The following TNKS2 variants were observed in gnomAD, a reference collection of about 807,000 sequenced individuals.
The protein encoded by TNKS2 is tankyrase 2.
Under a neutral mutation model 137.6 loss-of-function variants are expected in TNKS2, and 72 were observed. That is an observed-to-expected ratio of 0.52 (90% CI 0.43 to 0.64). TNKS2 has a LOEUF of 0.64. Ranked by LOEUF, TNKS2 falls within the 30% of genes least tolerant of loss-of-function variation. TNKS2 has a pLI of 0.00. For missense variants in TNKS2, 1,049 were observed against 1,410.2 expected, an observed-to-expected ratio of 0.74 and a Z score of 4.10; for synonymous variants, 516 against 512.1, an observed-to-expected ratio of 1.01 and a Z score of -0.10.
chr10:91,831,098 CTA>C lies in TNKS2; in HGVS notation c.1197-4_1197-3del, dbSNP rs1248955691. The C allele has an allele frequency of 6.2e-7, 1 of 1,613,774 alleles. No homozygotes were observed. Among genetic ancestry groups the C allele is most frequent in the East Asian group, 2.2e-5 (1 of 44,836 alleles). ...TCACTGTCTGGCTGATTTTTTCTCT[CTA>C]AGATTCTTGACTCCTCTGCACGTGG... is the stretch of plus-strand genomic sequence containing the variant. On this transcript the variant is annotated splice_polypyrimidine_tract_variant and splice_region_variant and intron_variant, in intron 10 of 26. Transcript: ENST00000371627.
intron 1 of TNKS2, among the ~76,000 whole-genome samples, chr10:91,809,948 G>C (rs1396224671): frequency 6.6e-6 from 1 of 152,190 alleles, no homozygotes; most frequent in African/African-American, 2.4e-5. Context: ...TTTGTGAGGG[G>C]AAGAAGGAGG....
At chr10:91,857,871 T>A (rs572966294) in intron 24 of TNKS2, among the ~76,000 whole-genome samples, 6 of 152,314 alleles carry the variant, frequency 3.9e-5, no homozygotes, top group African/African-American at 1.4e-4. Context: ...GACCTGGGAA[T>A]CACCTCAGAA....
chr10:91,851,423 G>GTATT (rs1554840576), intron 21 of TNKS2, 87 bp downstream of exon 21: 1 of 1,440,296 alleles, frequency 6.9e-7, no homozygotes. Context: ...TTAAAAATAT[G>GTATT]AGAGAATCTG....
intron 6 of TNKS2, 111 bp downstream of exon 6, chr10:91,820,144 G>C (rs922820858): frequency 1.5e-6 from 1 of 680,676 alleles, no homozygotes; most frequent in Non-Finnish European, 2.2e-6. Context: ...AATATATATT[G>C]AGCTTTTACA....
chr10:91,833,950 A>T lies in TNKS2; in HGVS notation c.1373A>T (p.Asp458Val), dbSNP rs774821447. 1 of 1,613,882 alleles carries T rather than the reference A, an allele frequency of 6.2e-7. No individual in the cohort carries two copies. Among genetic ancestry groups the T allele is most frequent in the Non-Finnish European group, 8.5e-7 (1 of 1,179,880 alleles). Reference protein sequence around the residue: ...TCRLLLSYGCDPNIISLQGFT... With the variant: ...TCRLLLSYGCVPNIISLQGFT... Reference sequence around the variant, plus strand: ...CGCCTACTCCTGAGCTATGGGTGTGATCCTAACATTATATCCCTTCAGGGC... The same window carrying T: ...CGCCTACTCCTGAGCTATGGGTGTGTTCCTAACATTATATCCCTTCAGGGC... Residue 458 changes from aspartate (D) to valine (V), a missense_variant, in exon 12 of 27, where the codon GAT becomes GTT. Asp to Val is a radical substitution (Grantham distance 152). Transcript: ENST00000371627.
intron 18 of TNKS2, among the ~76,000 whole-genome samples, chr10:91,847,908 G>T (rs1014813181): frequency 4.6e-5 from 7 of 152,126 alleles, no homozygotes; most frequent in Non-Finnish European, 1.0e-4. Flanking sequence ...TTAGGGTTTT[G>T]TTCATGCTTT....
intron 6 of TNKS2, 114 bp from the exon 7 acceptor site, chr10:91,822,182 A>C: frequency 2.5e-6 from 2 of 796,728 alleles, no homozygotes; most frequent in South Asian, 4.3e-5. Flanking sequence ...TTAGAACATC[A>C]CATAATCCAT....
At chr10:91,802,882 C>T (rs979281068) in intron 1 of TNKS2, among the ~76,000 whole-genome samples, 13 of 152,236 alleles carry the variant, frequency 8.5e-5, no homozygotes, top group African/African-American at 2.9e-4. Context: ...AAAGATCAGT[C>T]TATTTAGGAA....
At chr10:91,835,523 T>G (rs1342203809) in intron 12 of TNKS2, among the ~76,000 whole-genome samples, 1 of 151,152 alleles carries the variant, frequency 6.6e-6, no homozygotes, top group African/African-American at 2.4e-5. Flanking sequence ...ACTCCTGACC[T>G]TGTGATCCCC....
chr10:91,817,536 A>G (rs993220310), intron 3 of TNKS2, among the ~76,000 whole-genome samples: 4 of 152,182 alleles, frequency 2.6e-5, no homozygotes, highest in African/African-American at 7.2e-5. Context: ...AGTTTTTCAG[A>G]TAACTTATGC....
chr10:91,823,923 C>T (rs562585258), intron 7 of TNKS2, among the ~76,000 whole-genome samples: 1 of 152,232 alleles, frequency 6.6e-6, no homozygotes, highest in South Asian at 2.1e-4. Flanking sequence ...TATAATGTGG[C>T]TGTAATGTTA....
At position 91,833,924 on chromosome 10, in the gene TNKS2, C is replaced by T. The variant is rs1564618112; in HGVS notation, c.1347C>T (p.Cys449=). Residue 449 remains cysteine (C), a synonymous_variant, in exon 12 of 27, where the codon TGC becomes TGT. Coordinates refer to ENST00000371627, the MANE Select transcript of TNKS2 (RefSeq NM_025235.4). ...CATATTGTGGTCATCTACAAACCTG[C>T]CGCCTACTCCTGAGCTATGGGTGTG... ...RAAYCGHLQT[C]RLLLSYGCDP... is the part of the protein sequence containing the mutation. The T allele has an allele frequency of 1.2e-6, 2 of 1,613,728 alleles. No homozygotes were observed. The highest frequency in any genetic ancestry group is 1.7e-6 in the Non-Finnish European group (2 of 1,179,846).
At chr10:91,819,148 T>C in intron 3 of TNKS2, 122 bp from the exon 4 acceptor site, 1 of 598,422 alleles carries the variant, frequency 1.7e-6, no homozygotes, top group Non-Finnish European at 2.8e-6. Context: ...TGAACTATTT[T>C]CCATTTATTG....
chr10:91,853,496 C>G (rs1321256204), intron 21 of TNKS2, among the ~76,000 whole-genome samples: 3 of 152,164 alleles, frequency 2.0e-5, no homozygotes, highest in Admixed American at 1.3e-4. Flanking sequence ...TCTGTACTTA[C>G]ACCTGATTTG....
rs575817084 is a variant in TNKS2 at position 91,804,680 on chromosome 10, C to G, written c.199+5791C>G. The stretch of plus-strand genomic sequence containing the variant: ...CAGAAATTGGTGCTTAACAGAAGTA[C>G]TTTGAACTATTCTTGAGACCATAAC... On this transcript the variant is annotated intron_variant, in intron 1 of 26. Coordinates refer to ENST00000371627, the MANE Select transcript of TNKS2 (RefSeq NM_025235.4). Among the ~76,000 whole-genome samples the G allele has an allele frequency of 2.7e-4, 41 of 152,314 alleles. No homozygotes were observed. In the South Asian group the frequency reaches 8.5e-3, roughly 32 times the overall value.
intron 13 of TNKS2, among the ~76,000 whole-genome samples, chr10:91,837,952 G>A (rs1842080705): frequency 6.7e-6 from 1 of 149,742 alleles, no homozygotes; most frequent in Non-Finnish European, 1.5e-5. Flanking sequence ...CTGACTTGTG[G>A]AAATACAAAT....
At position 91,848,418 on chromosome 10, in the gene TNKS2, GC is replaced by G. The variant is rs1482836554; in HGVS notation, c.2399del (p.Pro800HisfsTer16). The G allele has an allele frequency of 6.2e-7, 1 of 1,614,182 alleles. No individual in the cohort carries two copies. The highest frequency in any genetic ancestry group is 1.1e-5 in the South Asian group (1 of 91,080). On this transcript the variant is annotated frameshift_variant, in exon 19 of 27. Coordinates refer to ENST00000371627, the MANE Select transcript of TNKS2 (RefSeq NM_025235.4). LOFTEE classifies it high-confidence loss of function. ...DVSALLTAAMPPSALPSCYKP... is the reference protein window; with the variant it reads ...DVSALLTAAMXPSALPSCYKP... Reference sequence around the variant, plus strand: ...TCAGCGCTCTTCTGACAGCAGCCATGCCCCCATCTGCTCTGCCCTCTTGTTA... The same window carrying G: ...TCAGCGCTCTTCTGACAGCAGCCATGCCCCATCTGCTCTGCCCTCTTGTTA...
At position 91,813,181 on chromosome 10, in the gene TNKS2, T is replaced by G. The variant is rs762932937; in HGVS notation, c.398T>G (p.Ile133Ser). 2.0e-5 allele frequency: 32 copies of G among 1,614,038 alleles called. No homozygotes were observed. Among genetic ancestry groups the G allele is most frequent in the Non-Finnish European group, 2.7e-5 (32 of 1,180,024 alleles). ...WNYTPLHEAA[I>S]KGKIDVCIVL... ...TATACTCCTCTCCATGAAGCTGCAA[T>G]TAAAGGAAAGATTGATGTTTGCATT... is the stretch of plus-strand genomic sequence containing the variant. Residue 133 changes from isoleucine (I) to serine (S), a missense_variant, in exon 2 of 27, where the codon ATT (isoleucine) becomes AGT (serine). Ile to Ser is a moderately radical substitution (Grantham distance 142). This residue lies in a region of TNKS2 where 374 missense variants were observed against 460.8 expected (regional missense o/e 0.81). Coordinates refer to ENST00000371627, the MANE Select transcript of TNKS2 (RefSeq NM_025235.4).
intron 8 of TNKS2, 43 bp downstream of exon 8, chr10:91,827,246 A>G (rs771454320): frequency 7.5e-7 from 1 of 1,338,852 alleles, no homozygotes; most frequent in Non-Finnish European, 9.8e-7. Context: ...TATTATATCA[A>G]TAAACTGAAC....
Sources: allele counts gnomAD v4.1 joint callset (sites outside exome capture counted in the v4.1 genomes callset), GRCh38; gene constraint gnomAD v4.1.1; regional missense constraint gnomAD v4.1.1; transcripts MANE v1.5; gene names NCBI Gene and HGNC (gene_info 2026-07-23, HGNC 2026-07-21).